SNURF: variants seen among roughly 807,000 people sequenced by gnomAD.
SNURF encodes SNRPN upstream open reading frame.
SNURF carries 6 observed loss-of-function variants against 11.6 expected under a neutral mutation model. The observed-to-expected ratio is 0.52, with a 90% confidence interval of 0.28 to 1.02. SNURF has a LOEUF of 1.02. Among genes scored for constraint, SNURF ranks in the 50% least tolerant of loss-of-function variants. The probability of loss-of-function intolerance (pLI) is 0.09; values close to 1 mark genes in which losing one functional copy is unlikely to be tolerated. For missense variants in SNURF, 84 were observed against 88.4 expected (o/e 0.95, Z 0.20); for synonymous variants, 29 against 31.6 (o/e 0.92, Z 0.27).
At chr15:24,972,620 A>G (rs558879601), downstream of SNURF, among the ~76,000 whole-genome samples, 45 of 150,224 alleles carry the variant, frequency 3.0e-4, 1 homozygote, top group Admixed American at 2.3e-3. Context: ...CTCCGCTCAA[A>G]AAGATACTTT....
downstream of SNURF, among the ~76,000 whole-genome samples, chr15:24,972,938 A>C (rs1235351657): frequency 4.6e-5 from 7 of 152,148 alleles, no homozygotes; most frequent in Admixed American, 2.0e-4. Flanking sequence ...CCCAGGCTGG[A>C]GTACAGTGGT....
intron 2 of SNURF, among the ~76,000 whole-genome samples, chr15:24,966,126 C>T (rs1665829899): frequency 6.6e-6 from 1 of 152,150 alleles, no homozygotes; most frequent in Non-Finnish European, 1.5e-5. Flanking sequence ...ACATTCCCCT[C>T]AATGCAGACA....
downstream of SNURF, chr15:24,978,492 G>A: frequency 6.5e-7 from 1 of 1,534,428 alleles, no homozygotes; most frequent in East Asian, 2.2e-5. Context: ...AATGCGTCTT[G>A]TGAAATTGTG....
downstream of SNURF, chr15:24,978,354 G>C (rs765945769): frequency 2.0e-5 from 32 of 1,613,826 alleles, no homozygotes; most frequent in Middle Eastern, 1.6e-4. Context: ...GGTTCAGCCA[G>C]GCCCCTGAAT....
downstream of SNURF, chr15:24,968,857 T>A (rs760216773): frequency 8.5e-5 from 13 of 152,236 alleles, no homozygotes; most frequent in Non-Finnish European, 1.6e-4. Context: ...TAGTTCTTTT[T>A]ATGTTGCTTT....
chr15:24,973,306 T>A (rs2076669907), downstream of SNURF, among the ~76,000 whole-genome samples: 1 of 152,214 alleles, frequency 6.6e-6, no homozygotes, highest in South Asian at 2.1e-4. Context: ...ACTCTGTGTA[T>A]CCTCTAGGTT....
intron 6 of SNURF, chr15:24,977,660 G>A: frequency 1.0e-6 from 1 of 996,976 alleles, no homozygotes; most frequent in Non-Finnish European, 1.4e-6. Flanking sequence ...GGAATAATGA[G>A]AGAAGTACAT....
At chr15:24,963,343 A>C (rs1325956623) in intron 2 of SNURF, among the ~76,000 whole-genome samples, 2 of 152,188 alleles carry the variant, frequency 1.3e-5, no homozygotes, top group Non-Finnish European at 2.9e-5. Flanking sequence ...TAGGCCAGGC[A>C]TGGTGGCCCA....
downstream of SNURF, among the ~76,000 whole-genome samples, chr15:24,973,239 A>G (rs2153662470): frequency 6.6e-6 from 1 of 152,178 alleles, no homozygotes; most frequent in East Asian, 1.9e-4. Flanking sequence ...GCAGGATAGT[A>G]ACATGATATA....
intron 1 of SNURF, among the ~76,000 whole-genome samples, chr15:24,961,272 G>T (rs2153469761): frequency 6.6e-6 from 1 of 152,258 alleles, no homozygotes; most frequent in African/African-American, 2.4e-5. Flanking sequence ...TTATTGGTAA[G>T]CTATTTTACC....
downstream of SNURF, chr15:24,978,290 A>G (rs375488054): frequency 3.0e-5 from 48 of 1,614,106 alleles, no homozygotes; most frequent in African/African-American, 6.0e-4. Flanking sequence ...CGCCTCCGGG[A>G]ATGAGACCCC....
chr15:24,966,565 T>C (rs1288361951), intron 2 of SNURF, among the ~76,000 whole-genome samples: 3 of 152,168 alleles, frequency 2.0e-5, no homozygotes. Flanking sequence ...TTTGATCTTT[T>C]GTGGCCTGGT....
At chr15:24,966,454 T>C (rs537896387) in intron 2 of SNURF, among the ~76,000 whole-genome samples, 3 of 152,292 alleles carry the variant, frequency 2.0e-5, no homozygotes, top group African/African-American at 7.2e-5. Flanking sequence ...GGATTCATTA[T>C]GTTGACAAGA....
downstream of SNURF, among the ~76,000 whole-genome samples, chr15:24,969,003 G>A (rs989776284): frequency 6.6e-6 from 1 of 152,060 alleles, no homozygotes; most frequent in Non-Finnish European, 1.5e-5. Flanking sequence ...TTTTTACAAA[G>A]TAAGAGCAGA....
downstream of SNURF, among the ~76,000 whole-genome samples, chr15:24,972,541 C>CTTTTTTTT (rs755600861): frequency 2.7e-5 from 3 of 112,222 alleles, no homozygotes; most frequent in Non-Finnish European, 3.8e-5. Context: ...TTAGAGTATT[C>CTTTTTTTT]TTTTTTTTTT....
At chr15:24,969,652 T>C (rs945932217), downstream of SNURF, among the ~76,000 whole-genome samples, 9 of 151,762 alleles carry the variant, frequency 5.9e-5, no homozygotes, top group East Asian at 5.8e-4. Flanking sequence ...CACAGATTTT[T>C]GTAAATTTTT....
chr15:24,967,938 G>C (rs1430382050), exon 3 of SNURF: 3 of 1,613,816 alleles, frequency 1.9e-6, no homozygotes, highest in Non-Finnish European at 2.5e-6. Context: ...GTAGGTGTCA[G>C]TTGTACCCGA....
chr15:24,972,789 T>G (rs1187514467), downstream of SNURF, among the ~76,000 whole-genome samples: 2 of 120,142 alleles, frequency 1.7e-5, no homozygotes, highest in Non-Finnish European at 3.3e-5. Flanking sequence ...ATTACGGTCA[T>G]GAGCTGCATT....
At chr15:24,968,766 A>G (rs1289150358), downstream of SNURF, 1 of 152,146 alleles carries the variant, frequency 6.6e-6, no homozygotes, top group Non-Finnish European at 1.5e-5. Context: ...TTCTGTTTTA[A>G]CCAATGTATT....
Sources: gnomAD v4.1 joint callset for allele counts (sites outside exome capture counted in the v4.1 genomes callset) on GRCh38, gnomAD v4.1.1 for gene constraint, MANE v1.5 for transcripts, NCBI Gene and HGNC (gene_info 2026-07-23, HGNC 2026-07-21) for gene names.